Variants in GNE observed in about 807,000 individuals in gnomAD.
GNE encodes the protein glucosamine (UDP-N-acetyl)-2-epimerase/N-acetylmannosamine kinase, also known as bifunctional UDP-N-acetylglucosamine 2-epimerase/N-acetylmannosamine kinase.
A neutral mutation model predicts 61.8 loss-of-function variants in GNE; 41 were observed. The observed-to-expected ratio is 0.66, with a 90% CI of 0.52 to 0.86. The LOEUF (loss-of-function observed/expected upper bound fraction) is 0.86, where lower values mean the gene tolerates loss of function less well. Ranked by LOEUF, GNE falls within the 40% of genes least tolerant of loss-of-function variation. The pLI is 0.00. For missense variants in GNE, 608 were observed against 909.1 expected (o/e 0.67, Z 4.26); for synonymous variants, 264 against 326.4 (o/e 0.81, Z 2.06).
Position 36,217,258 on chromosome 9 carries a change from T to C in GNE, c.*107A>G. On this transcript the variant is annotated 3_prime_UTR_variant, in exon 12 of 12. Transcript: ENST00000642385. ...AAAACATTTCTCTGCCAAAGTCACCTGCAGTTCAATACCAGATTTGATTGT... is the reference window on the plus strand; with the variant it reads ...AAAACATTTCTCTGCCAAAGTCACCCGCAGTTCAATACCAGATTTGATTGT... 1 of 786,484 alleles carries C rather than the reference T, an allele frequency of 1.3e-6. No homozygotes were observed. The highest frequency in any genetic ancestry group is 1.5e-5 in the South Asian group (1 of 68,492). 48.7% of individuals were successfully genotyped at this position (786,484 alleles called of 1,614,324 possible). A position where few individuals can be genotyped will look rare whatever the true frequency, so the allele number is the denominator to read the frequency against.
chr9:36,258,635 C>T (rs1830500229), upstream of GNE: 1 of 496,940 alleles, frequency 2.0e-6, no homozygotes, highest in Non-Finnish European at 2.6e-6. Flanking sequence ...GGACCATCTT[C>T]CATGGCCTCT....
At chr9:36,236,641 G>T (rs1829405189) in intron 4 of GNE, among the ~76,000 whole-genome samples, 191 bp downstream of exon 4, 1 of 152,150 alleles carries the variant, frequency 6.6e-6, no homozygotes, top group Non-Finnish European at 1.5e-5. Context: ...GTTTCTACTG[G>T]ACTTGGCAAA....
At chr9:36,265,003 C>T (rs901473632) in intron 1 of GNE, 8 of 255,950 alleles carry the variant, frequency 3.1e-5, no homozygotes, top group Admixed American at 1.4e-4. Flanking sequence ...GCTAAGCTTT[C>T]GCTCGTTGTC....
intron 3 of GNE, among the ~76,000 whole-genome samples, chr9:36,244,685 C>G (rs907342622): frequency 6.6e-6 from 1 of 152,040 alleles, no homozygotes. Context: ...TGCCTGTAAT[C>G]TCAGCACTTT....
intron 9 of GNE, among the ~76,000 whole-genome samples, chr9:36,221,932 C>G (rs1368290709): frequency 6.6e-6 from 1 of 152,172 alleles, no homozygotes; most frequent in Non-Finnish European, 1.5e-5. Context: ...TCCACACTCC[C>G]AGTACTGGTG....
upstream of GNE, among the ~76,000 whole-genome samples, chr9:36,259,310 C>T (rs139464153): frequency 2.6e-5 from 4 of 152,274 alleles, no homozygotes; most frequent in Non-Finnish European, 4.4e-5. Flanking sequence ...GCCAGGAGTT[C>T]GAGACCAACC....
At chr9:36,244,154 G>C (rs1417374527) in intron 3 of GNE, among the ~76,000 whole-genome samples, 3 of 151,950 alleles carry the variant, frequency 2.0e-5, no homozygotes, top group African/African-American at 7.3e-5. Flanking sequence ...TGTAGAGACA[G>C]CGTCTTGCTA....
At position 36,242,684 on chromosome 9, in the gene GNE, C is replaced by T. The variant is rs369805745; in HGVS notation, c.616+3347G>A. 2.6e-4 allele frequency among the ~76,000 whole-genome samples: 38 copies of T among 148,670 alleles called. 1 individual carries two copies. In the East Asian group the frequency reaches 5.8e-3, roughly 23 times the overall value. ...CTGCCCGCCGTGGCCTCCCAAAGTG[C>T]TGGGATTACAGGTGTGAGCCACCGC... On this transcript the variant is annotated intron_variant, in intron 3 of 11. Transcript: ENST00000642385.
upstream of GNE, among the ~76,000 whole-genome samples, chr9:36,260,742 G>A (rs560655032): frequency 1.2e-3 from 182 of 151,546 alleles, 2 homozygotes; most frequent in Non-Finnish European, 2.4e-3. Flanking sequence ...GGTGGCGGGC[G>A]CCTGTAGTCC....
intron 1 of GNE, among the ~76,000 whole-genome samples, chr9:36,254,825 G>A (rs111726324): frequency 1.3e-4 from 20 of 151,882 alleles, no homozygotes; most frequent in Admixed American, 9.8e-4. Flanking sequence ...GGTGGCAGGC[G>A]CCTGTAATCC....
At position 36,249,394 on chromosome 9, in the gene GNE, G is replaced by A. The variant is rs1161112246; in HGVS notation, c.-39C>T. 6.2e-7 allele frequency: 1 copy of A among 1,601,638 alleles called. No individual in the cohort carries two copies. Among genetic ancestry groups the A allele is most frequent in the South Asian group, 1.1e-5 (1 of 90,082 alleles). On this transcript the variant is annotated 5_prime_UTR_variant, in exon 2 of 12. Transcript: ENST00000642385. ...CGTTTTGAGAGGTTCTTAAAATAGA[G>A]TTCCTGAAATTGCCAAAATAAAAAC... is the stretch of plus-strand genomic sequence containing the variant.
In GNE at chr9:36,216,678, A is replaced by ATTAT. The variant is rs1563925009; in HGVS notation, c.*683_*686dup. On this transcript the variant is annotated 3_prime_UTR_variant, in exon 12 of 12. Coordinates refer to ENST00000642385, the MANE Select transcript of GNE (RefSeq NM_005476.7). ...ATTATTATTATTATTATTATTTATT[A>ATTAT]TTATTATTTTTGAGATGGAGTCTTG... 1.2e-3 allele frequency: 143 copies of ATTAT among 116,968 alleles called. No homozygotes were observed. The highest frequency in any genetic ancestry group is 4.6e-3 in the African/African-American group (136 of 29,754). The allele number at this position is 116,968 out of a possible 1,614,324, so 7.2% of individuals were successfully genotyped here. A position where few individuals can be genotyped will look rare whatever the true frequency, so the allele number is the denominator to read the frequency against.
chr9:36,240,718 A>G (rs930280162), intron 3 of GNE, among the ~76,000 whole-genome samples: 4 of 152,070 alleles, frequency 2.6e-5, no homozygotes, highest in African/African-American at 9.7e-5. Flanking sequence ...ATAGTGTCAA[A>G]AGGATTGGTA....
In GNE at chr9:36,249,408, CA is replaced by C; in HGVS notation, c.-42-12del. 1 of 1,532,010 alleles carries C rather than the reference CA, an allele frequency of 6.5e-7. No individual in the cohort carries two copies. 94.9% of individuals were successfully genotyped at this position (1,532,010 alleles called of 1,614,324 possible). ...CTTAAAATAGAGTTCCTGAAATTGC[CA>C]AAATAAAAACTTTATAATCAGAATA... On this transcript the variant is annotated splice_polypyrimidine_tract_variant and intron_variant, in intron 1 of 11. Transcript: ENST00000642385.
chr9:36,236,736 A>G (rs1829409916), intron 4 of GNE, 96 bp downstream of exon 4: 7 of 1,072,004 alleles, frequency 6.5e-6, no homozygotes, highest in Admixed American at 1.7e-5. Context: ...CCCTTCAATG[A>G]TAAGATGAGC....
At chr9:36,256,239 C>CTT (rs34215482) in intron 1 of GNE, among the ~76,000 whole-genome samples, 705 of 55,974 alleles carry the variant, frequency 0.013, 45 homozygotes, top group African/African-American at 0.044. Context: ...AAACCCAATT[C>CTT]TTTTTTTTTT....
At chr9:36,252,842 C>T (rs1830164054) in intron 1 of GNE, among the ~76,000 whole-genome samples, 1 of 151,934 alleles carries the variant, frequency 6.6e-6, no homozygotes, top group South Asian at 2.1e-4. Flanking sequence ...TTACTGGTTT[C>T]CTATCTGTCC....
chr9:36,275,033 A>G (rs554077851), intron 1 of GNE, among the ~76,000 whole-genome samples: 4 of 152,318 alleles, frequency 2.6e-5, no homozygotes, highest in East Asian at 3.9e-4. Flanking sequence ...CGGTTTCACA[A>G]TCATTTAAAA....
At chr9:36,257,164 T>C (rs539930132) in intron 1 of GNE, among the ~76,000 whole-genome samples, 1 of 152,186 alleles carries the variant, frequency 6.6e-6, no homozygotes, top group East Asian at 1.9e-4. Context: ...ATCAAACCCT[T>C]GTCTGAATGA....
Sources: gnomAD v4.1 joint callset for allele counts (sites outside exome capture counted in the v4.1 genomes callset) on GRCh38, gnomAD v4.1.1 for gene constraint, MANE v1.5 for transcripts, NCBI Gene and HGNC (gene_info 2026-07-23, HGNC 2026-07-21) for gene names.